The following GCNA variants were observed in gnomAD, a reference collection of about 807,000 sequenced individuals.
The protein encoded by GCNA is germ cell nuclear acidic protein.
Under a neutral mutation model 38.8 loss-of-function variants are expected in GCNA, and 3 were observed. The ratio of observed to expected loss-of-function variants is 0.08; its 90% CI spans 0.04 to 0.20. The LOEUF (loss-of-function observed/expected upper bound fraction) is 0.20. Among genes scored for constraint, GCNA ranks in the 10% least tolerant of loss-of-function variants. The pLI is 1.00. For missense variants in GCNA, 446 were observed against 578.6 expected (o/e 0.77, Z 2.35); for synonymous variants, 195 against 240.2 (o/e 0.81, Z 1.74).
intron 7 of GCNA, among the ~76,000 whole-genome samples, chrX:71,598,919 C>A (rs1169176464): frequency 9.0e-6 from 1 of 111,253 alleles, no homozygotes; most frequent in Non-Finnish European, 1.9e-5. Context: ...CAGCTCTCTG[C>A]AACCTCTGCC....
intron 2 of GCNA, among the ~76,000 whole-genome samples, chrX:71,589,028 A>T (rs1347226387): frequency 9.2e-6 from 1 of 108,931 alleles, no homozygotes; most frequent in Non-Finnish European, 1.9e-5. Flanking sequence ...ATTTAAAAAT[A>T]TTTTTTGTAA....
rs1252642611 is a variant in GCNA, at chrX:71,583,894, G to A, written c.59+3014G>A. Among the ~76,000 whole-genome samples, 7 of 107,700 alleles carry A rather than the reference G, an allele frequency of 6.5e-5. No individual in the cohort carries two copies. In the East Asian group the frequency reaches 2.0e-3, roughly 31 times the overall value. The allele number at this position is 107,700 out of a possible 115,157, so 93.5% of individuals were successfully genotyped here. ...TTTTTTTTTTTGTATTTTTAGTAGA[G>A]ATGGGATTTCACCATGTTGGCCAGG... is the stretch of plus-strand genomic sequence containing the variant. On this transcript the variant is annotated intron_variant, in intron 2 of 12. Transcript: ENST00000373696.
intron 4 of GCNA, among the ~76,000 whole-genome samples, chrX:71,593,092 C>T (rs1386897024): frequency 8.1e-5 from 9 of 111,063 alleles, no homozygotes; most frequent in Non-Finnish European, 1.7e-4. Context: ...TGGGGTTTCA[C>T]CATGTTGGTC....
intron 12 of GCNA, 40 bp downstream of exon 12, chrX:71,612,599 G>A: frequency 7.0e-6 from 8 of 1,138,229 alleles, no homozygotes; most frequent in Non-Finnish European, 8.4e-6. Context: ...ACGTTTTGCT[G>A]GGGCCTCCAA....
rs2040730026 is a variant in GCNA, at chrX:71,603,164, C to G, written c.311-424C>G. 3.6e-5 allele frequency among the ~76,000 whole-genome samples: 4 copies of G among 112,118 alleles called. No individual in the cohort carries two copies. The South Asian group carries it at 1.5e-3, about 42-fold the overall frequency. On this transcript the variant is annotated intron_variant, in intron 7 of 12. Transcript: ENST00000373696. Reference sequence around the variant, plus strand: ...TGTCTGTTTTTATGCCAGTACCATGCTGTTTTGGTTACTGTAGCTCTGTAG... The same window carrying G: ...TGTCTGTTTTTATGCCAGTACCATGGTGTTTTGGTTACTGTAGCTCTGTAG...
In GCNA at chrX:71,602,681, C is replaced by T. The variant is rs755571311; in HGVS notation, c.311-907C>T. ...CTCCGTATATACTCTAGTTATTAAT[C>T]CCTTGTCAGATGGGTAGTTTGCAGA... On this transcript the variant is annotated intron_variant, in intron 7 of 12. Transcript: ENST00000373696. Among the ~76,000 whole-genome samples the T allele has an allele frequency of 4.1e-3, 457 of 111,024 alleles. 2 individuals carry two copies. Among genetic ancestry groups the T allele is most frequent in the Non-Finnish European group, 6.5e-3 (344 of 52,968 alleles).
At chrX:71,586,139 G>GT (rs369229738) in intron 2 of GCNA, among the ~76,000 whole-genome samples, 1,154 of 89,582 alleles carry the variant, frequency 0.013, 14 homozygotes, top group African/African-American at 0.035. Context: ...TGAAATAAAT[G>GT]TTTTTTTTTT....
At chrX:71,579,865 G>A (rs1192227854) in intron 1 of GCNA, among the ~76,000 whole-genome samples, 3 of 107,421 alleles carry the variant, frequency 2.8e-5, no homozygotes, top group Non-Finnish European at 5.8e-5. Flanking sequence ...GACCTGATAG[G>A]AGGAAGGAGT....
rs922752596 is a variant in GCNA, at chrX:71,611,648, A to C, written c.1751-707A>C. ...AATTAGTAAGAACCCCTGAGATCTC[A>C]ATTTCACCATGGAGCTTCTCCTAAC... On this transcript the variant is annotated intron_variant, in intron 11 of 12. Coordinates refer to ENST00000373696, the MANE Select transcript of GCNA (RefSeq NM_052957.5). 3.6e-5 allele frequency among the ~76,000 whole-genome samples: 4 copies of C among 111,431 alleles called. No individual in the cohort carries two copies. In the Admixed American group the frequency reaches 3.8e-4, roughly 11 times the overall value.
intron 5 of GCNA, 48 bp from the exon 6 acceptor site, chrX:71,594,698 T>C (rs1260547912): frequency 1.1e-6 from 1 of 918,532 alleles, no homozygotes; most frequent in African/African-American, 2.2e-5. Context: ...GGCAACCAGA[T>C]TTTTTCATGC....
chrX:71,583,470 C>T (rs957503599), intron 2 of GCNA, among the ~76,000 whole-genome samples: 2 of 110,053 alleles, frequency 1.8e-5, no homozygotes, highest in Admixed American at 9.8e-5. Context: ...TTTAAAAAAG[C>T]GGGGGGTGTG....
chrX:71,603,814 C>G lies in GCNA; in HGVS notation c.537C>G (p.Pro179=). 8.3e-7 allele frequency: 1 copy of G among 1,208,677 alleles called. No homozygotes were observed. The highest frequency in any genetic ancestry group is 1.1e-6 in the Non-Finnish European group (1 of 894,808). The change falls in exon 8 of 13, where the codon CCC becomes CCG. Residue 179 remains proline, a synonymous_variant. Transcript: ENST00000373696. ...PDDNSDDSEA[P]DDNSDDSDVP... Reference sequence around the variant, plus strand: ...ACAACAGTGATGATTCGGAAGCTCCCGACGACAATAGTGATGATTCGGATG... The same window carrying G: ...ACAACAGTGATGATTCGGAAGCTCCGGACGACAATAGTGATGATTCGGATG...
Position 71,596,825 on chromosome X carries a change from TAGTC to T in GCNA, c.222-1122_222-1119del, listed in dbSNP as rs1324856252. Among the ~76,000 whole-genome samples, 7 of 111,527 alleles carry T rather than the reference TAGTC, an allele frequency of 6.3e-5. No homozygotes were observed. In the East Asian group the frequency reaches 2.0e-3, roughly 31 times the overall value. On this transcript the variant is annotated intron_variant, in intron 6 of 12. Coordinates refer to ENST00000373696, the MANE Select transcript of GCNA (RefSeq NM_052957.5). ...CAACCAACAGAACACAGGCAGGAATTAGTCAGGATGGTTGCCTGCTGGTCAGGAC... is the reference window on the plus strand; with the variant it reads ...CAACCAACAGAACACAGGCAGGAATTAGGATGGTTGCCTGCTGGTCAGGAC...
At chrX:71,608,473 C>T (rs1179707550) in intron 9 of GCNA, among the ~76,000 whole-genome samples, 3 of 111,410 alleles carry the variant, frequency 2.7e-5, no homozygotes, top group Non-Finnish European at 3.8e-5. Context: ...AGGGTTTCAC[C>T]GTGTTAGCCA....
intron 9 of GCNA, among the ~76,000 whole-genome samples, chrX:71,608,762 C>T (rs1422594451): frequency 1.8e-5 from 2 of 111,812 alleles, no homozygotes; most frequent in Non-Finnish European, 3.8e-5. Context: ...GGATAAGTCT[C>T]GTTGAGCTTG....
At chrX:71,581,763 GA>G (rs902677876) in intron 2 of GCNA, among the ~76,000 whole-genome samples, 2 of 111,733 alleles carry the variant, frequency 1.8e-5, no homozygotes, top group African/African-American at 3.2e-5. Context: ...GAAAACAATA[GA>G]TGGATTTTGT....
At chrX:71,578,785 G>A (rs1177932412) in intron 1 of GCNA, among the ~76,000 whole-genome samples, 1 of 110,067 alleles carries the variant, frequency 9.1e-6, no homozygotes, top group African/African-American at 3.3e-5. Context: ...TGGGGGCGCC[G>A]GTGGCGGCGT....
chrX:71,592,164 G>T lies in GCNA; in HGVS notation c.102G>T (p.Gly34=), dbSNP rs1282556000. The part of the protein sequence containing the change: ...NVQSSSDDTS[G]SSVARRAPKR... ...AGTCAAGCAGTGATGACACCAGTGG[G>T]TCTTGTAAGTAGAGTCCACTCAAAG... The change falls in exon 3 of 13, where the codon GGG becomes GGT. Residue 34 remains glycine, a synonymous_variant. Coordinates refer to ENST00000373696, the MANE Select transcript of GCNA (RefSeq NM_052957.5). 1.2e-5 allele frequency: 15 copies of T among 1,200,247 alleles called. No individual in the cohort carries two copies. The highest frequency in any genetic ancestry group is 1.5e-5 in the Non-Finnish European group (13 of 885,977).
intron 2 of GCNA, among the ~76,000 whole-genome samples, chrX:71,587,060 C>T (rs1389231518): frequency 1.8e-5 from 2 of 111,934 alleles, no homozygotes; most frequent in South Asian, 3.8e-4. Flanking sequence ...GAGAATGATG[C>T]AGCACAGAGT....
Sources: gnomAD v4.1 joint callset for allele counts (sites outside exome capture counted in the v4.1 genomes callset) on GRCh38, gnomAD v4.1.1 for gene constraint, MANE v1.5 for transcripts, NCBI Gene and HGNC (gene_info 2026-07-23, HGNC 2026-07-21) for gene names.